The following DPP10 variants were observed in gnomAD, a reference collection of about 807,000 sequenced individuals.
The protein encoded by DPP10 is inactive dipeptidyl peptidase 10.
In DPP10, 33 loss-of-function variants were observed where a neutral mutation model predicts 120.9. The observed-to-expected ratio is 0.27, with a 90% CI of 0.21 to 0.37. The LOEUF (loss-of-function observed/expected upper bound fraction) is 0.37, where lower values mean the gene tolerates loss of function less well. Ranked by LOEUF, DPP10 falls within the 10% of genes least tolerant of loss-of-function variation. The pLI, the probability that DPP10 is intolerant of heterozygous loss-of-function variation, is 1.00. For synonymous variants in DPP10, 337 were observed against 326.1 expected (o/e 1.03, Z -0.36); for missense variants, 816 against 942.8 (o/e 0.87, Z 1.76).
chr2:115,146,770 T>C (rs2051246526), intron 1 of DPP10, among the ~76,000 whole-genome samples: 3 of 152,272 alleles, frequency 2.0e-5, no homozygotes, highest in Admixed American at 2.0e-4. Context: ...GGCAAAGCCC[T>C]GAGTGGAATT....
chr2:115,744,713 C>T (rs1677727667), intron 9 of DPP10, among the ~76,000 whole-genome samples: 2 of 150,566 alleles, frequency 1.3e-5, no homozygotes, highest in South Asian at 4.2e-4. Context: ...GGAACTCCTG[C>T]TGGCTACTGT....
chr2:114,609,119 G>A (rs1292618617), intron 1 of DPP10, among the ~76,000 whole-genome samples: 1 of 152,056 alleles, frequency 6.6e-6, no homozygotes, highest in Non-Finnish European at 1.5e-5. Flanking sequence ...CACTTTCATC[G>A]AGAATACAAC....
chr2:114,902,285 T>G (rs925762149), intron 1 of DPP10, among the ~76,000 whole-genome samples: 2 of 152,236 alleles, frequency 1.3e-5, no homozygotes, highest in African/African-American at 4.8e-5. Context: ...AATTTCATTT[T>G]TTTCAAATGG....
chr2:115,150,366 C>G (rs1259240982), intron 1 of DPP10, among the ~76,000 whole-genome samples: 1 of 152,114 alleles, frequency 6.6e-6, no homozygotes, highest in Non-Finnish European at 1.5e-5. Context: ...CTTCTATTTG[C>G]CTCTTATCTA....
chr2:115,646,353 A>G lies in DPP10; in HGVS notation c.442-43334A>G, dbSNP rs146068023. Reference sequence around the variant, plus strand: ...TACAGTGGGGCTATTAGCACTGTGAATGGGAACACAGCCTGACTCTGGGTA... The same window carrying G: ...TACAGTGGGGCTATTAGCACTGTGAGTGGGAACACAGCCTGACTCTGGGTA... On this transcript the variant is annotated intron_variant, in intron 5 of 25. Transcript: ENST00000410059. Among the ~76,000 whole-genome samples, 108 of 152,282 alleles carry G rather than the reference A, an allele frequency of 7.1e-4. No homozygotes were observed. The East Asian group carries it at 0.02, about 28-fold the overall frequency.
chr2:114,507,213 T>A (rs1487680972), intron 1 of DPP10, among the ~76,000 whole-genome samples: 2 of 151,866 alleles, frequency 1.3e-5, no homozygotes, highest in Non-Finnish European at 2.9e-5. Context: ...ACACCCCAGG[T>A]AATTTTTGTA....
At chr2:114,925,714 C>A (rs1695569421) in intron 1 of DPP10, among the ~76,000 whole-genome samples, 1 of 152,136 alleles carries the variant, frequency 6.6e-6, no homozygotes, top group African/African-American at 2.4e-5. Flanking sequence ...AGACTATCTC[C>A]CCGAGAGCCC....
At chr2:114,804,076 C>A (rs936596659) in intron 1 of DPP10, among the ~76,000 whole-genome samples, 4 of 152,194 alleles carry the variant, frequency 2.6e-5, no homozygotes, top group Non-Finnish European at 5.9e-5. Context: ...CTGCTCCAGC[C>A]ATTGCTGAAA....
At chr2:114,733,653 G>T (rs1677134664) in intron 1 of DPP10, among the ~76,000 whole-genome samples, 1 of 152,112 alleles carries the variant, frequency 6.6e-6, no homozygotes, top group Non-Finnish European at 1.5e-5. Context: ...GAAATGGCAG[G>T]ATGCATTCTG....
At chr2:115,588,256 T>G (rs2082413672) in intron 5 of DPP10, among the ~76,000 whole-genome samples, 1 of 152,236 alleles carries the variant, frequency 6.6e-6, no homozygotes, top group Non-Finnish European at 1.5e-5. Flanking sequence ...GTGATCTAGT[T>G]CCTCATATGC....
rs545900976 is a variant in DPP10 at position 115,703,571 on chromosome 2, C to CA, written c.576+13652dup. ...GGTTGGCAGTTGGGAAAGTTAGGCACAATTTCTTGAAGCAGAATTCATTTT... is the reference window on the plus strand; with the variant it reads ...GGTTGGCAGTTGGGAAAGTTAGGCACAAATTTCTTGAAGCAGAATTCATTTT... On this transcript the variant is annotated intron_variant, in intron 7 of 25. Transcript: ENST00000410059. Among the ~76,000 whole-genome samples, 158 of 152,108 alleles carry CA rather than the reference C, an allele frequency of 1.0e-3. 1 individual carries two copies. The highest frequency in any genetic ancestry group is 3.5e-3 in the African/African-American group (147 of 41,550).
intron 5 of DPP10, among the ~76,000 whole-genome samples, chr2:115,543,537 C>T (rs953963161): frequency 6.6e-6 from 1 of 151,886 alleles, no homozygotes; most frequent in Non-Finnish European, 1.5e-5. Context: ...TATTTGATTT[C>T]TTTAATTCTG....
intron 1 of DPP10, among the ~76,000 whole-genome samples, chr2:114,980,945 GA>G (rs1229142260): frequency 6.7e-6 from 1 of 149,102 alleles, no homozygotes; most frequent in East Asian, 1.9e-4. Context: ...TATATTTAAA[GA>G]AAAAAATTTA....
intron 7 of DPP10, among the ~76,000 whole-genome samples, chr2:115,702,655 T>G (rs1432911110): frequency 6.6e-6 from 1 of 152,102 alleles, no homozygotes; most frequent in Non-Finnish European, 1.5e-5. Flanking sequence ...TGAGGAAGTT[T>G]GCAGGACAGA....
chr2:115,317,856 C>T (rs374777160), intron 2 of DPP10, among the ~76,000 whole-genome samples: 19 of 151,908 alleles, frequency 1.3e-4, no homozygotes, highest in Admixed American at 3.3e-4. Context: ...TTCTTTATTC[C>T]GGATATTAAT....
intron 1 of DPP10, among the ~76,000 whole-genome samples, chr2:115,019,634 T>G (rs141371342): frequency 0.078 from 11,862 of 152,188 alleles, 696 homozygotes; most frequent in Non-Finnish European, 0.11. Context: ...TTGATAGAGA[T>G]CTAGACATCC....
At chr2:115,161,815 C>G in intron 1 of DPP10, 1 of 811,492 alleles carries the variant, frequency 1.2e-6, no homozygotes, top group Non-Finnish European at 1.7e-6. Context: ...TCTTCCCCTC[C>G]CCGCCCCTCC....
At chr2:115,240,944 G>A (rs986344438) in intron 1 of DPP10, among the ~76,000 whole-genome samples, 1 of 152,184 alleles carries the variant, frequency 6.6e-6, no homozygotes, top group Non-Finnish European at 1.5e-5. Context: ...AGTACTAAAT[G>A]ATACCAGAGA....
rs1393011391 is a variant in DPP10, at chr2:115,442,828, G to A, written c.272-56682G>A. On this transcript the variant is annotated intron_variant, in intron 3 of 25. Transcript: ENST00000410059. ...AATGTAAGGGGCCTTAACACTTGCC[G>A]GAATAATTAATATTTTGTCCGTCAT... Among the ~76,000 whole-genome samples, 8 of 152,050 alleles carry A rather than the reference G, an allele frequency of 5.3e-5. 1 individual carries two copies. The highest frequency in any genetic ancestry group is 2.1e-4 in the South Asian group (1 of 4,826).
Sources: allele counts gnomAD v4.1 joint callset (sites outside exome capture counted in the v4.1 genomes callset), GRCh38; gene constraint gnomAD v4.1.1; transcripts MANE v1.5; gene names NCBI Gene and HGNC (gene_info 2026-07-23, HGNC 2026-07-21).